The following BEST1 variants were observed in gnomAD, a reference collection of about 807,000 sequenced individuals.
BEST1 encodes bestrophin 1, also known as bestrophin-1.
BEST1 carries 58 observed loss-of-function variants against 63.3 expected under a neutral mutation model. The ratio of observed to expected loss-of-function variants is 0.92; its 90% CI spans 0.74 to 1.14. The LOEUF (loss-of-function observed/expected upper bound fraction) is 1.14, where lower values mean the gene tolerates loss of function less well. Among genes scored for constraint, BEST1 ranks in the 50% most tolerant of loss-of-function variants. The pLI, the probability that BEST1 is intolerant of heterozygous loss-of-function variation, is 0.00. For synonymous variants in BEST1, 283 were observed against 291.6 expected, an observed-to-expected ratio of 0.97 and a Z score of 0.30; for missense variants, 671 against 740.1, an observed-to-expected ratio of 0.91 and a Z score of 1.08.
At chr11:61,965,159 C>G, downstream of BEST1, 1 of 1,602,244 alleles carries the variant, frequency 6.2e-7, no homozygotes, top group South Asian at 1.1e-5. Context: ...ACCTAGAAGT[C>G]AGCAAGCCCA....
chr11:61,965,185 A>C, downstream of BEST1: 3 of 1,600,054 alleles, frequency 1.9e-6, no homozygotes, highest in Non-Finnish European at 2.5e-6. Context: ...TCTAACCACC[A>C]CGTTTTGGCA....
At chr11:61,960,355 CTT>C (rs1941934733) in intron 9 of BEST1, 2 of 470,956 alleles carry the variant, frequency 4.2e-6, no homozygotes, top group Non-Finnish European at 7.7e-6. Context: ...GGACCTGGCT[CTT>C]GTCATCCAGA....
intron 3 of BEST1, 45 bp from the exon 4 acceptor site, chr11:61,955,673 C>A: frequency 6.6e-7 from 1 of 1,525,654 alleles, no homozygotes; most frequent in Non-Finnish European, 8.9e-7. Flanking sequence ...GGGCTCTGGC[C>A]GCAGCCTGGC....
chr11:61,957,434 C>G lies in BEST1; in HGVS notation c.684C>G (p.Asp228Glu), dbSNP rs1431752515. The G allele has an allele frequency of 6.2e-7, 1 of 1,614,104 alleles. No individual in the cohort carries two copies. The highest frequency in any genetic ancestry group is 8.5e-7 in the Non-Finnish European group (1 of 1,180,004). Residue 228 changes from aspartate (D) to glutamate (E), a missense_variant, in exon 6 of 11, where the codon GAC becomes GAG. Coordinates refer to ENST00000378043, the MANE Select transcript of BEST1 (RefSeq NM_004183.4). ...AGTGTGGACACCTGTATGCCTACGA[C>G]TGGATTAGTATCCCACTGGTGTATA... ...RTQCGHLYAYDWISIPLVYTQ... is the reference protein window; with the variant it reads ...RTQCGHLYAYEWISIPLVYTQ...
chr11:61,955,589 C>T, intron 3 of BEST1, 129 bp from the exon 4 acceptor site: 1 of 1,164,486 alleles, frequency 8.6e-7, no homozygotes, highest in African/African-American at 1.5e-5. Context: ...GAGCGCCTTC[C>T]AGGAGGGCTG....
chr11:61,957,939 A>G (rs1373463105), intron 6 of BEST1, among the ~76,000 whole-genome samples: 1 of 151,642 alleles, frequency 6.6e-6, no homozygotes, highest in Non-Finnish European at 1.5e-5. Flanking sequence ...ATGCCACTGC[A>G]CTCCAGCCTG....
rs1268844906 is a variant in BEST1 at position 61,962,802 on chromosome 11, A to G, written c.1648A>G (p.Asn550Asp). 2 of 1,614,050 alleles carry G rather than the reference A, an allele frequency of 1.2e-6. No individual in the cohort carries two copies. Reference sequence around the variant, plus strand: ...GACGGATATGCCAGAGATCCCCGAAAATCACCTCAAAGAACCTTTGGAACA... The same window carrying G: ...GACGGATATGCCAGAGATCCCCGAAGATCACCTCAAAGAACCTTTGGAACA... Reference protein sequence around the residue: ...NLTDMPEIPENHLKEPLEQSP... With the variant: ...NLTDMPEIPEDHLKEPLEQSP... Residue 550 changes from asparagine (N) to aspartate (D), a missense_variant, in exon 10 of 11, where the codon AAT (asparagine) becomes GAT (aspartate). By Grantham distance (23) the Asn-to-Asp change is conservative (BLOSUM62 1). Transcript: ENST00000378043.
chr11:61,959,519 C>T lies in BEST1; in HGVS notation c.889C>T (p.Pro297Ser), dbSNP rs1805143. 6.2e-7 allele frequency: 1 copy of T among 1,614,156 alleles called. No homozygotes were observed. Residue 297 changes from proline to serine, a missense_variant, in exon 8 of 11, where the codon CCC (proline) becomes TCC (serine). Transcript: ENST00000378043. ...CAAGGTGGCAGAGCAGCTCATCAAC[C>T]CCTTTGGAGAGGATGATGATGATTT... ...WLKVAEQLIN[P>S]FGEDDDDFET...
intron 7 of BEST1, chr11:61,958,741 TCA>T (rs1466388900): frequency 7.2e-5 from 27 of 374,740 alleles, no homozygotes; most frequent in African/African-American, 4.2e-4. Context: ...ATGTTCTGAA[TCA>T]CACAGTTTTC....
chr11:61,954,213 T>A (rs1021100701), intron 2 of BEST1, among the ~76,000 whole-genome samples: 2 of 151,982 alleles, frequency 1.3e-5, no homozygotes, highest in Admixed American at 6.6e-5. Context: ...TCTTTGCTCC[T>A]CCCCCTGCCC....
rs1942380164 is a variant in BEST1 at position 61,964,368 on chromosome 11, A to G, written c.*246A>G. The stretch of plus-strand genomic sequence containing the variant: ...AACATTTAACTCAGACTCTGGATTC[A>G]GAGTCGGGAACCCTTAGTTCTATCT... On this transcript the variant is annotated 3_prime_UTR_variant, in exon 11 of 11. Coordinates refer to ENST00000378043, the MANE Select transcript of BEST1 (RefSeq NM_004183.4). 3 of 765,746 alleles carry G rather than the reference A, an allele frequency of 3.9e-6. No individual in the cohort carries two copies. The highest frequency in any genetic ancestry group is 6.1e-6 in the Non-Finnish European group (3 of 489,004). The allele number at this position is 765,746 out of a possible 1,614,324, so 47.4% of individuals were successfully genotyped here. A position where few individuals can be genotyped will look rare whatever the true frequency, so the allele number is the denominator to read the frequency against.
Position 61,957,885 on chromosome 11 carries a change from A to G in BEST1, c.715-261A>G, listed in dbSNP as rs533916744. Among the ~76,000 whole-genome samples the G allele has an allele frequency of 2.6e-3, 397 of 152,186 alleles. 2 individuals carry two copies. Among genetic ancestry groups the G allele is most frequent in the African/African-American group, 8.9e-3 (371 of 41,502 alleles). The stretch of plus-strand genomic sequence containing the variant: ...GCTACTTGGGAGGCTGAGGCAGGAG[A>G]ATCGCTTGAACCCGGGAGGTGGAGG... On this transcript the variant is annotated intron_variant, in intron 6 of 10. Coordinates refer to ENST00000378043, the MANE Select transcript of BEST1 (RefSeq NM_004183.4).
chr11:61,958,627 G>A (rs1941663601), intron 7 of BEST1: 5 of 576,634 alleles, frequency 8.7e-6, no homozygotes, highest in South Asian at 3.9e-5. Context: ...AAGGCAGATC[G>A]GCACCACCTC....
downstream of BEST1, chr11:61,964,975 T>C (rs201120647): frequency 2.7e-4 from 428 of 1,614,136 alleles, 3 homozygotes; most frequent in East Asian, 9.0e-3. Context: ...TTCCTGGGGT[T>C]CCAATACTCA....
At chr11:61,962,985 C>T in intron 10 of BEST1, 92 bp downstream of exon 10, 1 of 1,608,564 alleles carries the variant, frequency 6.2e-7, no homozygotes, top group Non-Finnish European at 8.5e-7. Context: ...CCACAATTTC[C>T]TAGGGTTCCA....
intron 6 of BEST1, among the ~76,000 whole-genome samples, 155 bp downstream of exon 6, chr11:61,957,619 A>G (rs966386477): frequency 3.9e-5 from 6 of 152,130 alleles, no homozygotes; most frequent in African/African-American, 1.4e-4. Flanking sequence ...TGAAGTGCCA[A>G]GTTCTAAGAG....
At chr11:61,952,623 C>T (rs1037788059) in intron 2 of BEST1, among the ~76,000 whole-genome samples, 14 of 136,948 alleles carry the variant, frequency 1.0e-4, no homozygotes, top group African/African-American at 1.5e-4. Flanking sequence ...CACACCACCA[C>T]GCCTGGCTAA....
At chr11:61,958,635 C>A in intron 7 of BEST1, 1 of 566,114 alleles carries the variant, frequency 1.8e-6, no homozygotes, top group South Asian at 2.0e-5. Flanking sequence ...TCGGCACCAC[C>A]TCTCCTTATT....
At chr11:61,956,091 A>AT (rs1435707481) in intron 4 of BEST1, 140 bp downstream of exon 4, 1 of 873,828 alleles carries the variant, frequency 1.1e-6, no homozygotes, top group African/African-American at 1.7e-5. Context: ...TGTAGTCAAG[A>AT]TTTGGGGGTC....
Sources: gnomAD v4.1 joint callset for allele counts (sites outside exome capture counted in the v4.1 genomes callset) on GRCh38, gnomAD v4.1.1 for gene constraint, MANE v1.5 for transcripts, NCBI Gene and HGNC (gene_info 2026-07-23, HGNC 2026-07-21) for gene names.